Variants in STK10 observed in about 807,000 individuals in gnomAD.
STK10 encodes the protein serine/threonine kinase 10.
STK10 carries 78 observed loss-of-function variants against 113.8 expected under a neutral mutation model. The ratio of observed to expected loss-of-function variants is 0.69; its 90% CI spans 0.57 to 0.83. The LOEUF (loss-of-function observed/expected upper bound fraction) is 0.83. STK10 is among the 40% of genes least tolerant of loss of function. The pLI, the probability that STK10 is intolerant of heterozygous loss-of-function variation, is 0.00. For synonymous variants in STK10, 465 were observed against 494.7 expected (o/e 0.94, Z 0.80); for missense variants, 1,109 against 1,280.1 (o/e 0.87, Z 2.04).
intron 3 of STK10, among the ~76,000 whole-genome samples, chr5:172,124,364 A>G (rs1175035480): frequency 6.6e-6 from 1 of 152,200 alleles, no homozygotes; most frequent in African/African-American, 2.4e-5. Flanking sequence ...AAGTTTGAGT[A>G]TTCTGGCTCC....
chr5:172,059,728 G>A (rs10475998), intron 14 of STK10, among the ~76,000 whole-genome samples: 3,383 of 152,110 alleles, frequency 0.022, 125 homozygotes, highest in African/African-American at 0.074. Flanking sequence ...ATGGTGGCCC[G>A]CACCATCATC....
At position 172,093,834 on chromosome 5, in the gene STK10, G is replaced by A; in HGVS notation, c.1132C>T (p.Pro378Ser). 6.2e-7 allele frequency: 1 copy of A among 1,602,490 alleles called. No homozygotes were observed. The highest frequency in any genetic ancestry group is 8.5e-7 in the Non-Finnish European group (1 of 1,172,156). ...CTGTCCCCAGAGGGCTGGCTGCAGG[G>A]CTCATTCACACTGTCCTGAGACTGG... ...PSQSQDSVNE[P>S]CSQPSGDRSL... The change falls in exon 9 of 19, where the codon CCC becomes TCC. Residue 378 changes from proline (P) to serine (S), a missense_variant. Coordinates refer to ENST00000176763, the MANE Select transcript of STK10 (RefSeq NM_005990.4). The surrounding 1 kb of genome is among the most constrained non-coding windows in gnomAD (Gnocchi z 4.1).
intron 3 of STK10, among the ~76,000 whole-genome samples, chr5:172,124,907 A>G (rs189153901): frequency 6.6e-5 from 10 of 152,312 alleles, no homozygotes; most frequent in African/African-American, 2.4e-4. Context: ...ACTATTTTAA[A>G]TAGCATTACT....
chr5:172,105,812 C>T, intron 6 of STK10, 75 bp from the exon 7 acceptor site: 1 of 1,319,702 alleles, frequency 7.6e-7, no homozygotes, highest in Non-Finnish European at 1.1e-6. Context: ...ACAGACTCCA[C>T]TGTCCCAATC....
intron 1 of STK10, among the ~76,000 whole-genome samples, chr5:172,163,937 C>T (rs1039802137): frequency 6.6e-6 from 1 of 152,096 alleles, no homozygotes; most frequent in South Asian, 2.1e-4. Context: ...CGTGGCCAGG[C>T]GCGGTGGCTG....
At chr5:172,069,365 T>C (rs1032909071) in intron 12 of STK10, among the ~76,000 whole-genome samples, 1 of 152,134 alleles carries the variant, frequency 6.6e-6, no homozygotes, top group Non-Finnish European at 1.5e-5. Flanking sequence ...TGCAAACACT[T>C]ATCAAAAGAA....
intron 14 of STK10, among the ~76,000 whole-genome samples, chr5:172,059,981 G>A (rs1767898279): frequency 6.6e-6 from 1 of 152,204 alleles, no homozygotes; most frequent in African/African-American, 2.4e-5. Context: ...AAACGTTTGT[G>A]TCCCCTCCCC....
intron 1 of STK10, among the ~76,000 whole-genome samples, chr5:172,170,162 A>C (rs980265691): frequency 3.3e-5 from 5 of 151,280 alleles, no homozygotes; most frequent in Non-Finnish European, 7.4e-5. Context: ...TAAATGACTA[A>C]GGAATGAATG....
chr5:172,172,818 A>G (rs1172603413), intron 1 of STK10, among the ~76,000 whole-genome samples: 1 of 152,054 alleles, frequency 6.6e-6, no homozygotes, highest in African/African-American at 2.4e-5. Context: ...TGTCTCTACT[A>G]AAAATACAAA....
intron 6 of STK10, among the ~76,000 whole-genome samples, chr5:172,106,414 A>AAAAAAAAAAAAAAAAAAAAAAAAAAC (rs1769109658): frequency 6.9e-6 from 1 of 145,352 alleles, no homozygotes; most frequent in Admixed American, 6.9e-5. Flanking sequence ...AAAAAAAAAA[A>AAAAAAAAAAAAAAAAAAAAAAAAAAC]AAAAGGAACA....
chr5:172,156,913 C>G, intron 1 of STK10, 125 bp from the exon 2 acceptor site: 2 of 1,099,864 alleles, frequency 1.8e-6, no homozygotes, highest in Middle Eastern at 2.9e-4. Context: ...TGAACCGGAA[C>G]GTACATTGTT....
intron 13 of STK10, 105 bp from the exon 14 acceptor site, chr5:172,061,373 C>A: frequency 6.9e-7 from 1 of 1,459,680 alleles, no homozygotes; most frequent in Non-Finnish European, 9.1e-7. Flanking sequence ...GAAGAAAATG[C>A]AGGAACAGAA....
At chr5:172,111,199 GC>G (rs1030927271) in intron 4 of STK10, among the ~76,000 whole-genome samples, 3 of 151,964 alleles carry the variant, frequency 2.0e-5, no homozygotes, top group African/African-American at 7.3e-5. Context: ...GGTCAGCCAG[GC>G]CCCCCTGTGG....
At chr5:172,075,884 T>C (rs1330100043) in intron 12 of STK10, among the ~76,000 whole-genome samples, 1 of 152,156 alleles carries the variant, frequency 6.6e-6, no homozygotes, top group South Asian at 2.1e-4. Context: ...TTGTACCTCG[T>C]TGTGATGTAA....
At chr5:172,072,812 G>C (rs1768225910) in intron 12 of STK10, among the ~76,000 whole-genome samples, 1 of 152,156 alleles carries the variant, frequency 6.6e-6, no homozygotes, top group Non-Finnish European at 1.5e-5. Flanking sequence ...AGATTGAAAA[G>C]GAAGCAATAA....
chr5:172,148,886 G>GA (rs1375365506), intron 2 of STK10, among the ~76,000 whole-genome samples: 3 of 152,206 alleles, frequency 2.0e-5, no homozygotes, highest in African/African-American at 7.2e-5. Context: ...AAATGGGGGT[G>GA]ACAACATCTC....
chr5:172,054,627 TG>T lies in STK10; in HGVS notation c.2593del (p.Gln865ArgfsTer13). ...ACACTGCGCCAGCATGTCCCGCATCTGGTTCTCGTGTTTCTGCTGTTGCTGC... is the reference window on the plus strand; with the variant it reads ...ACACTGCGCCAGCATGTCCCGCATCTGTTCTCGTGTTTCTGCTGTTGCTGC... ...RLQQQQKHENQMRDMLAQCES... is the reference protein window; with the variant it reads ...RLQQQQKHENXMRDMLAQCES... On this transcript the variant is annotated frameshift_variant, in exon 17 of 19. Coordinates refer to ENST00000176763, the MANE Select transcript of STK10 (RefSeq NM_005990.4). LOFTEE classifies it high-confidence loss of function. The T allele has an allele frequency of 6.2e-7, 1 of 1,610,988 alleles. No homozygotes were observed. The highest frequency in any genetic ancestry group is 1.7e-5 in the Admixed American group (1 of 60,024).
intron 4 of STK10, among the ~76,000 whole-genome samples, chr5:172,109,696 A>G (rs1769194530): frequency 6.6e-6 from 1 of 152,184 alleles, no homozygotes; most frequent in Admixed American, 6.5e-5. Flanking sequence ...TACCAAGAGA[A>G]ATTTTCTCCA....
Position 172,095,561 on chromosome 5 carries a change from G to A in STK10, c.1005+865C>T, listed in dbSNP as rs926189509. On this transcript the variant is annotated intron_variant, in intron 8 of 18. Transcript: ENST00000176763. ...CCTGTGTCAGAGCTGTAGAGGGCCC[G>A]GCAGCCACCAGGGGCTCCATGCATG... 2.0e-4 allele frequency among the ~76,000 whole-genome samples: 31 copies of A among 152,354 alleles called. No individual in the cohort carries two copies. In the South Asian group the frequency reaches 3.3e-3, roughly 16 times the overall value.
Sources: gnomAD v4.1 joint callset for allele counts (sites outside exome capture counted in the v4.1 genomes callset) on GRCh38, gnomAD v4.1.1 for gene constraint, Gnocchi (gnomAD v3.1) non-coding constraint, MANE v1.5 for transcripts, NCBI Gene and HGNC (gene_info 2026-07-23, HGNC 2026-07-21) for gene names.